CTNNA2: variants seen among roughly 807,000 people sequenced by gnomAD.
The protein encoded by CTNNA2 is catenin alpha 2.
A neutral mutation model predicts 101.0 loss-of-function variants in CTNNA2; 42 were observed. The ratio of observed to expected loss-of-function variants is 0.42; its 90% confidence interval spans 0.32 to 0.54. The LOEUF (loss-of-function observed/expected upper bound fraction) is 0.54. CTNNA2 is among the 20% of genes least tolerant of loss of function. The pLI, the probability that CTNNA2 is intolerant of heterozygous loss-of-function variation, is 0.14. For synonymous variants in CTNNA2, 450 were observed against 456.4 expected (o/e 0.99, Z 0.18); for missense variants, 871 against 1,223.1 (o/e 0.71, Z 4.29).
intron 6 of CTNNA2, among the ~76,000 whole-genome samples, chr2:79,887,074 C>T (rs967904202): frequency 6.6e-5 from 10 of 152,076 alleles, no homozygotes; most frequent in African/African-American, 2.4e-4. Flanking sequence ...AACTCAGCTT[C>T]CCAAAATGCT....
intron 1 of CTNNA2, among the ~76,000 whole-genome samples, chr2:79,539,430 T>G (rs1673276282): frequency 6.6e-6 from 1 of 152,178 alleles, no homozygotes; most frequent in African/African-American, 2.4e-5. Context: ...TCATGAAGGC[T>G]AAATCACTGT....
chr2:79,764,956 T>A (rs1029148886), intron 3 of CTNNA2, among the ~76,000 whole-genome samples: 1 of 152,106 alleles, frequency 6.6e-6, no homozygotes, highest in East Asian at 1.9e-4. Flanking sequence ...TGGAATTCAG[T>A]ATGCATATGT....
rs568794371 is a variant in CTNNA2 at position 80,369,579 on chromosome 2, A to G, written c.1057-23632A>G. Among the ~76,000 whole-genome samples the G allele has an allele frequency of 6.2e-4, 94 of 152,182 alleles. No homozygotes were observed. The South Asian group carries it at 8.3e-3, about 13-fold the overall frequency. ...ATGTTATGGCTCTCAAAGGATATCC[A>G]CGTACTAAGTCCTGGAACCCATGAA... On this transcript the variant is annotated intron_variant, in intron 7 of 18. Coordinates refer to ENST00000402739, the MANE Select transcript of CTNNA2 (RefSeq NM_001282597.3).
chr2:80,626,238 T>G (rs1167238900), intron 18 of CTNNA2, among the ~76,000 whole-genome samples: 2 of 152,106 alleles, frequency 1.3e-5, no homozygotes, highest in Non-Finnish European at 2.9e-5. Context: ...ATGGAATACA[T>G]CTGTCTGTAG....
intron 1 of CTNNA2, among the ~76,000 whole-genome samples, chr2:79,597,645 G>A (rs1049194686): frequency 1.3e-5 from 2 of 152,036 alleles, no homozygotes; most frequent in Non-Finnish European, 2.9e-5. Context: ...TTTTAGAGCA[G>A]TTTTAGGTGC....
chr2:79,983,792 G>C (rs1691562859), intron 7 of CTNNA2, among the ~76,000 whole-genome samples: 1 of 152,056 alleles, frequency 6.6e-6, no homozygotes, highest in Non-Finnish European at 1.5e-5. Flanking sequence ...TACTAGTACT[G>C]CAAAGCCATT....
chr2:79,689,420 C>T (rs549416511), intron 2 of CTNNA2, among the ~76,000 whole-genome samples: 2 of 152,056 alleles, frequency 1.3e-5, no homozygotes, highest in African/African-American at 4.8e-5. Flanking sequence ...AGGACTGAAG[C>T]CCAGTTTCAA....
At chr2:79,945,543 C>T (rs12996164) in intron 7 of CTNNA2, among the ~76,000 whole-genome samples, 44,795 of 151,964 alleles carry the variant, frequency 0.29, 7,264 homozygotes, top group Non-Finnish European at 0.37. Flanking sequence ...GCATCCTGTG[C>T]GTTCATTGAC....
chr2:80,461,348 C>T, intron 9 of CTNNA2, among the ~76,000 whole-genome samples: 1 of 152,034 alleles, frequency 6.6e-6, no homozygotes, highest in East Asian at 1.9e-4. Flanking sequence ...CCTGATGTTA[C>T]CTCGTAGTAA....
chr2:79,741,074 G>A (rs548254620), intron 2 of CTNNA2, among the ~76,000 whole-genome samples: 95 of 115,756 alleles, frequency 8.2e-4, no homozygotes, highest in Non-Finnish European at 1.3e-3. Context: ...GAACGGGCAC[G>A]GCAACTCAGG....
intron 2 of CTNNA2, among the ~76,000 whole-genome samples, chr2:79,233,248 G>T (rs1351860215): frequency 2.6e-5 from 4 of 151,886 alleles, no homozygotes; most frequent in East Asian, 3.9e-4. Flanking sequence ...GTTTTGGTAA[G>T]GTGTGTCTCT....
At chr2:79,599,662 C>T (rs62140073) in intron 1 of CTNNA2, among the ~76,000 whole-genome samples, 20,008 of 151,990 alleles carry the variant, frequency 0.13, 2,190 homozygotes, top group African/African-American at 0.3. Flanking sequence ...GAAAACTGTA[C>T]CTGGAAGTTT....
At chr2:79,462,842 C>A (rs1001700865) in intron 4 of CTNNA2, among the ~76,000 whole-genome samples, 1 of 152,116 alleles carries the variant, frequency 6.6e-6, no homozygotes, top group East Asian at 1.9e-4. Context: ...AGAGTACATG[C>A]TGCCCTGTGT....
intron 7 of CTNNA2, among the ~76,000 whole-genome samples, chr2:79,999,373 C>T (rs1439673362): frequency 6.6e-6 from 1 of 152,178 alleles, no homozygotes; most frequent in African/African-American, 2.4e-5. Context: ...GGTTATCTCT[C>T]CTATACTAAA....
chr2:79,916,824 C>T (rs564073369), intron 7 of CTNNA2, among the ~76,000 whole-genome samples: 2 of 151,892 alleles, frequency 1.3e-5, no homozygotes, highest in Admixed American at 6.5e-5. Context: ...GGGTTTCACC[C>T]GTGTTAGCGA....
chr2:80,403,624 A>G (rs1678783892), intron 8 of CTNNA2, among the ~76,000 whole-genome samples: 1 of 152,206 alleles, frequency 6.6e-6, no homozygotes. Context: ...TTTACTCTAC[A>G]CATAATGTTT....
intron 7 of CTNNA2, among the ~76,000 whole-genome samples, chr2:80,263,285 A>G (rs1338715962): frequency 3.9e-5 from 6 of 152,352 alleles, no homozygotes; most frequent in African/African-American, 1.4e-4. Flanking sequence ...GCACACGAGG[A>G]AACTGAGGAC....
chr2:79,293,096 A>G (rs1390258943), intron 2 of CTNNA2: 2 of 152,232 alleles, frequency 1.3e-5, no homozygotes, highest in Admixed American at 6.5e-5. Context: ...GCCACTTGGC[A>G]GTATTCCCTC....
rs531751044 is a variant in CTNNA2, at chr2:80,590,928, G to A, written c.2189+1443G>A. Among the ~76,000 whole-genome samples, 13 of 152,268 alleles carry A rather than the reference G, an allele frequency of 8.5e-5. No individual in the cohort carries two copies. The East Asian group carries it at 2.5e-3, about 29-fold the overall frequency. The stretch of plus-strand genomic sequence containing the variant: ...GACGATTATGGCAGCCTCAGTCACT[G>A]TTTCTCAAGGCCTGTGATGACTTAA... On this transcript the variant is annotated intron_variant, in intron 15 of 18. Coordinates refer to ENST00000402739, the MANE Select transcript of CTNNA2 (RefSeq NM_001282597.3).
Sources: gnomAD v4.1 joint callset for allele counts (sites outside exome capture counted in the v4.1 genomes callset) on GRCh38, gnomAD v4.1.1 for gene constraint, MANE v1.5 for transcripts, NCBI Gene and HGNC (gene_info 2026-07-23, HGNC 2026-07-21) for gene names.